SHISA6: variants seen among roughly 807,000 people sequenced by gnomAD.
SHISA6 encodes shisa family member 6.
In SHISA6, 22 loss-of-function variants were observed where a neutral mutation model predicts 47.9. The ratio of observed to expected loss-of-function variants is 0.46; its 90% CI spans 0.33 to 0.66. SHISA6 has a LOEUF of 0.66. SHISA6 is among the 30% of genes least tolerant of loss of function. The pLI is 0.02. For missense variants in SHISA6, 680 were observed against 764.6 expected (o/e 0.89, Z 1.30); for synonymous variants, 388 against 337.8 (o/e 1.15, Z -1.63).
chr17:11,530,980 A>G (rs1457030286), intron 3 of SHISA6, among the ~76,000 whole-genome samples: 1 of 152,160 alleles, frequency 6.6e-6, no homozygotes, highest in African/African-American at 2.4e-5. Flanking sequence ...AGGTTACTGC[A>G]GTATTCGTAG....
At chr17:11,506,915 G>C (rs891067794) in intron 3 of SHISA6, among the ~76,000 whole-genome samples, 1 of 152,140 alleles carries the variant, frequency 6.6e-6, no homozygotes, top group African/African-American at 2.4e-5. Context: ...ATCAGGCTGG[G>C]CATGAGTAGA....
At chr17:11,535,743 T>C (rs61427688) in intron 3 of SHISA6, among the ~76,000 whole-genome samples, 4,426 of 152,296 alleles carry the variant, frequency 0.029, 212 homozygotes, top group African/African-American at 0.099. Context: ...CTACTTATTT[T>C]TTGCGTGACC....
At chr17:11,294,497 C>T (rs866266672) in intron 2 of SHISA6, among the ~76,000 whole-genome samples, 3 of 152,160 alleles carry the variant, frequency 2.0e-5, no homozygotes, top group Admixed American at 6.5e-5. Flanking sequence ...GGTTGCTCCC[C>T]GCGTGCGAGG....
At chr17:11,477,898 A>G (rs1916096222) in intron 3 of SHISA6, among the ~76,000 whole-genome samples, 1 of 146,824 alleles carries the variant, frequency 6.8e-6, no homozygotes, top group South Asian at 2.2e-4. Context: ...GTGTGTCTTT[A>G]TAGCAGCATG....
chr17:11,555,262 G>A (rs1009503012), intron 4 of SHISA6, among the ~76,000 whole-genome samples: 1 of 152,008 alleles, frequency 6.6e-6, no homozygotes, highest in African/African-American at 2.4e-5. Flanking sequence ...AGTGGAGCTG[G>A]GTCCTGGACT....
chr17:11,482,478 T>C (rs534661998), intron 3 of SHISA6, among the ~76,000 whole-genome samples: 2 of 152,170 alleles, frequency 1.3e-5, no homozygotes, highest in East Asian at 3.9e-4. Context: ...CTCAGATACA[T>C]AAAAATCTAA....
chr17:11,558,384 C>A lies in SHISA6; in HGVS notation c.*80C>A. The stretch of plus-strand genomic sequence containing the variant: ...AGGGGCCAGGAGCAGAGCTTCTAGC[C>A]TTGCCACTCTCCCTTCCCTTGTCCC... On this transcript the variant is annotated 3_prime_UTR_variant, in exon 6 of 6. Transcript: ENST00000441885. The A allele has an allele frequency of 7.1e-7, 1 of 1,417,468 alleles. No homozygotes were observed. 87.8% of individuals were successfully genotyped at this position (1,417,468 alleles called of 1,614,324 possible).
intron 2 of SHISA6, among the ~76,000 whole-genome samples, chr17:11,374,279 G>C (rs545595641): frequency 2.0e-5 from 3 of 151,998 alleles, no homozygotes; most frequent in Non-Finnish European, 4.4e-5. Flanking sequence ...ACGTGCTCTA[G>C]AAAGTAATGT....
intron 3 of SHISA6, among the ~76,000 whole-genome samples, chr17:11,434,062 C>CT (rs1914867040): frequency 2.7e-5 from 4 of 149,226 alleles, no homozygotes; most frequent in South Asian, 4.2e-4. Flanking sequence ...TCTTTTTTCT[C>CT]TCTTTTTTTT....
intron 2 of SHISA6, among the ~76,000 whole-genome samples, chr17:11,338,109 T>C (rs1911386081): frequency 6.6e-6 from 1 of 152,180 alleles, no homozygotes; most frequent in African/African-American, 2.4e-5. Context: ...GAGAATCAGC[T>C]GGACTCAGCA....
intron 2 of SHISA6, among the ~76,000 whole-genome samples, chr17:11,283,807 G>A (rs966142274): frequency 1.4e-4 from 22 of 152,150 alleles, no homozygotes; most frequent in East Asian, 1.9e-4. Context: ...TTCCAGTTCT[G>A]TTCTGTGCTG....
At chr17:11,465,123 A>G (rs764715995) in intron 3 of SHISA6, among the ~76,000 whole-genome samples, 2 of 152,056 alleles carry the variant, frequency 1.3e-5, no homozygotes, top group African/African-American at 2.4e-5. Context: ...TCCCAGCTTT[A>G]TGTCCCAAAG....
In SHISA6 at chr17:11,541,777, T is replaced by G. The variant is rs557554224; in HGVS notation, c.896-10119T>G. ...CAGGGAGTGAGGACACAACCAGAGCTTCCCCTTCATCTCCACTTCCCTCTA... is the reference window on the plus strand; with the variant it reads ...CAGGGAGTGAGGACACAACCAGAGCGTCCCCTTCATCTCCACTTCCCTCTA... On this transcript the variant is annotated intron_variant, in intron 3 of 5. Transcript: ENST00000441885. Among the ~76,000 whole-genome samples the G allele has an allele frequency of 6.1e-4, 93 of 152,248 alleles. No homozygotes were observed. The Middle Eastern group carries it at 0.01, about 17-fold the overall frequency.
chr17:11,352,527 G>A (rs953879415), intron 2 of SHISA6, among the ~76,000 whole-genome samples: 8 of 152,228 alleles, frequency 5.3e-5, no homozygotes, highest in African/African-American at 1.9e-4. Context: ...CTTTTACAGT[G>A]TGAGCTTTCA....
intron 2 of SHISA6, among the ~76,000 whole-genome samples, chr17:11,276,806 C>G (rs184675176): frequency 6.6e-6 from 1 of 152,230 alleles, no homozygotes; most frequent in East Asian, 1.9e-4. Flanking sequence ...GAACAAGTTG[C>G]CAATATTATG....
chr17:11,429,307 T>C (rs1323374641), intron 3 of SHISA6, among the ~76,000 whole-genome samples: 1 of 152,122 alleles, frequency 6.6e-6, no homozygotes, highest in East Asian at 1.9e-4. Flanking sequence ...TCACGGTCTT[T>C]TATTACCTAA....
At chr17:11,465,875 AC>A (rs891824634) in intron 3 of SHISA6, among the ~76,000 whole-genome samples, 2 of 152,172 alleles carry the variant, frequency 1.3e-5, no homozygotes, top group Non-Finnish European at 2.9e-5. Flanking sequence ...TGGAAGACAC[AC>A]CTTTTTGAGA....
At chr17:11,510,890 C>T (rs1038925025) in intron 3 of SHISA6, among the ~76,000 whole-genome samples, 5 of 152,166 alleles carry the variant, frequency 3.3e-5, no homozygotes, top group Admixed American at 6.6e-5. Flanking sequence ...AGCTAAGGAT[C>T]CAGACTCTAA....
chr17:11,327,732 G>C (rs1405870062), intron 2 of SHISA6, among the ~76,000 whole-genome samples: 1 of 152,222 alleles, frequency 6.6e-6, no homozygotes, highest in East Asian at 1.9e-4. Flanking sequence ...GGGAGGCAGA[G>C]GTTGCGGTGA....
Sources: allele counts gnomAD v4.1 joint callset (sites outside exome capture counted in the v4.1 genomes callset), GRCh38; gene constraint gnomAD v4.1.1; transcripts MANE v1.5; gene names NCBI Gene and HGNC (gene_info 2026-07-23, HGNC 2026-07-21).